Variants in NCOA3 observed in about 807,000 individuals in gnomAD.
The protein encoded by NCOA3 is nuclear receptor coactivator 3, also known as CBP-interacting protein.
In NCOA3, 51 loss-of-function variants were observed where a neutral mutation model predicts 158.8. The ratio of observed to expected loss-of-function variants is 0.32; its 90% CI spans 0.26 to 0.41. The LOEUF (loss-of-function observed/expected upper bound fraction) is 0.41, where lower values mean the gene tolerates loss of function less well. Ranked by LOEUF, NCOA3 falls within the 10% of genes least tolerant of loss-of-function variation. The probability of loss-of-function intolerance (pLI) is 1.00; values close to 1 mark genes in which losing one functional copy is unlikely to be tolerated. For synonymous variants in NCOA3, 537 were observed against 592.4 expected, an observed-to-expected ratio of 0.91 and a Z score of 1.36; for missense variants, 1,510 against 1,746.6, an observed-to-expected ratio of 0.86 and a Z score of 2.41.
intron 1 of NCOA3, among the ~76,000 whole-genome samples, chr20:47,548,443 C>G (rs896378499): frequency 6.6e-6 from 1 of 151,814 alleles, no homozygotes; most frequent in African/African-American, 2.4e-5. Flanking sequence ...ACTCGGGAGG[C>G]TGAGGCAGGA....
At chr20:47,533,629 T>C (rs967331975) in intron 1 of NCOA3, among the ~76,000 whole-genome samples, 1 of 152,018 alleles carries the variant, frequency 6.6e-6, no homozygotes, top group Non-Finnish European at 1.5e-5. Context: ...AGTGCAAGGG[T>C]AGAAGCAGGG....
intron 2 of NCOA3, among the ~76,000 whole-genome samples, chr20:47,594,835 A>G (rs1324488985): frequency 9.1e-6 from 1 of 109,484 alleles, no homozygotes; most frequent in Admixed American, 1.4e-4. Context: ...GTTGCCGCCC[A>G]GTCTGGAGCG....
At chr20:47,627,433 C>T in intron 6 of NCOA3, 128 bp from the exon 7 acceptor site, 1 of 771,556 alleles carries the variant, frequency 1.3e-6, no homozygotes, top group Non-Finnish European at 2.1e-6. Context: ...TATTGCCAGC[C>T]TGAAATGTTA....
intron 1 of NCOA3, among the ~76,000 whole-genome samples, chr20:47,571,465 A>C (rs556836472): frequency 6.6e-6 from 1 of 151,674 alleles, no homozygotes; most frequent in East Asian, 1.9e-4. Flanking sequence ...CTACTGGCAC[A>C]CACCACCACA....
At chr20:47,653,368 A>ATT (rs545375540) in intron 22 of NCOA3, 38 bp from the exon 23 acceptor site, 44,410 of 1,359,726 alleles carry the variant, frequency 0.033, 148 homozygotes, top group Non-Finnish European at 0.035. Context: ...TGTTTTACTC[A>ATT]TTTTTTTTTT....
At chr20:47,594,047 C>A (rs570720804) in intron 2 of NCOA3, among the ~76,000 whole-genome samples, 6 of 152,234 alleles carry the variant, frequency 3.9e-5, no homozygotes, top group South Asian at 2.1e-4. Flanking sequence ...AAAAACCAAA[C>A]AACTTAAGTG....
chr20:47,647,505 A>G, intron 18 of NCOA3, 139 bp downstream of exon 18: 11 of 781,932 alleles, frequency 1.4e-5, no homozygotes, highest in Non-Finnish European at 2.2e-5. Flanking sequence ...GTAAGGTTTT[A>G]TTTGTACAAA....
At chr20:47,650,253 A>AGAAAGCT (rs1464495135) in intron 19 of NCOA3, among the ~76,000 whole-genome samples, 5 of 148,694 alleles carry the variant, frequency 3.4e-5, no homozygotes, top group Non-Finnish European at 5.9e-5. Context: ...TGCAATAGCC[A>AGAAAGCT]GAAAGCTTTT....
intron 2 of NCOA3, among the ~76,000 whole-genome samples, chr20:47,600,732 T>C (rs2085847228): frequency 6.6e-6 from 1 of 151,098 alleles, no homozygotes; most frequent in South Asian, 2.1e-4. Context: ...CCCAGTCTGG[T>C]TTCGAACTCC....
At chr20:47,545,473 G>A (rs990950689) in intron 1 of NCOA3, among the ~76,000 whole-genome samples, 1 of 152,032 alleles carries the variant, frequency 6.6e-6, no homozygotes, top group South Asian at 2.1e-4. Flanking sequence ...CACTGCGCCT[G>A]GCCTTTGTAA....
At chr20:47,602,876 T>C (rs570789302) in intron 2 of NCOA3, among the ~76,000 whole-genome samples, 5 of 152,334 alleles carry the variant, frequency 3.3e-5, no homozygotes, top group South Asian at 4.1e-4. Flanking sequence ...TTTTGGCAGT[T>C]GGAAAGGAAG....
intron 2 of NCOA3, 61 bp from the exon 3 acceptor site, chr20:47,622,168 C>A: frequency 1.2e-6 from 1 of 862,158 alleles, no homozygotes; most frequent in African/African-American, 1.8e-5. Context: ...CATATAACAC[C>A]TTCATAGAGT....
chr20:47,627,681 G>T lies in NCOA3; in HGVS notation c.653G>T (p.Arg218Leu), dbSNP rs1200320359. The T allele has an allele frequency of 3.1e-6, 5 of 1,614,088 alleles. No homozygotes were observed. Among genetic ancestry groups the T allele is most frequent in the Non-Finnish European group, 3.4e-6 (4 of 1,180,008 alleles). Residue 218 changes from arginine to leucine, a missense_variant, in exon 7 of 23, where the codon CGC (arginine) becomes CTC (leucine). Physicochemically the swap from Arg to Leu is moderately radical, Grantham distance 102 (BLOSUM62 -2). This residue lies in a region of NCOA3 where 309 missense variants were observed against 427.1 expected (regional missense o/e 0.72). Coordinates refer to ENST00000371998, the MANE Select transcript of NCOA3 (RefSeq NM_181659.3). The stretch of plus-strand genomic sequence containing the variant: ...GACATAAACGCCAGTCCTGAAATGC[G>T]CCAGAGATATGAAACAATGCAGTGC... ...LEDINASPEM[R>L]QRYETMQCFA...
intron 1 of NCOA3, among the ~76,000 whole-genome samples, chr20:47,519,586 G>A (rs1349920231): frequency 6.6e-6 from 1 of 151,974 alleles, no homozygotes; most frequent in African/African-American, 2.4e-5. Flanking sequence ...AGGGAAATTA[G>A]TCTGAAAGAC....
chr20:47,534,980 T>C (rs2084608591), intron 1 of NCOA3, among the ~76,000 whole-genome samples: 1 of 151,838 alleles, frequency 6.6e-6, no homozygotes, highest in Admixed American at 6.6e-5. Flanking sequence ...ATATCCAGTG[T>C]AAGAATCATT....
chr20:47,620,143 C>T (rs372990967), intron 2 of NCOA3, among the ~76,000 whole-genome samples: 1 of 151,956 alleles, frequency 6.6e-6, no homozygotes, highest in Non-Finnish European at 1.5e-5. Flanking sequence ...GACAGAGTCT[C>T]ACTCGGTCAC....
At chr20:47,543,626 C>T (rs545306549) in intron 1 of NCOA3, among the ~76,000 whole-genome samples, 21 of 151,964 alleles carry the variant, frequency 1.4e-4, no homozygotes, top group Admixed American at 1.3e-4. Flanking sequence ...TCTCCTGCCT[C>T]AGCCTCCCGA....
At chr20:47,563,924 C>G (rs2085151471) in intron 1 of NCOA3, among the ~76,000 whole-genome samples, 1 of 148,754 alleles carries the variant, frequency 6.7e-6, no homozygotes, top group Non-Finnish European at 1.5e-5. Flanking sequence ...AAGAAAAAGG[C>G]TGAGGTGGGA....
In NCOA3 at chr20:47,542,203, A is replaced by AT. The variant is rs1277841840; in HGVS notation, c.-99+40199dup. 3.5e-3 allele frequency among the ~76,000 whole-genome samples: 485 copies of AT among 139,520 alleles called. 4 individuals are homozygous for AT. The highest frequency in any genetic ancestry group is 9.3e-3 in the African/African-American group (354 of 37,956). The allele number at this position is 139,520 out of a possible 152,430, so 91.5% of individuals were successfully genotyped here. ...ACACCACCATGCCAGCTACATTAAA[A>AT]TTTTTTTTTTTTTTTGGTGGAAAAG... On this transcript the variant is annotated intron_variant, in intron 1 of 22. Transcript: ENST00000371998.
Sources: allele counts gnomAD v4.1 joint callset (sites outside exome capture counted in the v4.1 genomes callset), GRCh38; gene constraint gnomAD v4.1.1; regional missense constraint gnomAD v4.1.1; transcripts MANE v1.5; gene names NCBI Gene and HGNC (gene_info 2026-07-23, HGNC 2026-07-21).